SYNPR: variants seen among roughly 807,000 people sequenced by gnomAD.
SYNPR encodes synaptoporin.
SYNPR carries 23 observed loss-of-function variants against 32.9 expected under a neutral mutation model. The ratio of observed to expected loss-of-function variants is 0.70; its 90% confidence interval spans 0.50 to 0.99. The LOEUF is 0.99. Among genes scored for constraint, SYNPR ranks in the 50% least tolerant of loss-of-function variants. SYNPR has a pLI of 0.00. For synonymous variants in SYNPR, 146 were observed against 135.9 expected (o/e 1.07, Z -0.52); for missense variants, 318 against 349.3 (o/e 0.91, Z 0.71).
intron 3 of SYNPR, among the ~76,000 whole-genome samples, chr3:63,554,096 T>C (rs1702553865): frequency 6.6e-6 from 1 of 152,198 alleles, no homozygotes; most frequent in Admixed American, 6.5e-5. Flanking sequence ...TGCTTGTTGA[T>C]TTGTTTAAGT....
chr3:63,337,232 C>CAAAAAAAAAA, intron 2 of SYNPR, among the ~76,000 whole-genome samples: 1 of 55,460 alleles, frequency 1.8e-5, no homozygotes, highest in Non-Finnish European at 3.1e-5. Context: ...ACTCTGTCTC[C>CAAAAAAAAAA]AAAAAAAAAA....
rs1230707419 is a variant in SYNPR, at chr3:63,476,619, C to A, written c.85-4213C>A. ...ATGTGGCAAAAAAACATCATTCTTC[C>A]CCCAACCATAGAGCTAATTAGAATC... On this transcript the variant is annotated intron_variant, in intron 2 of 5. Transcript: ENST00000478300. 5.3e-5 allele frequency among the ~76,000 whole-genome samples: 8 copies of A among 152,088 alleles called. No homozygotes were observed. In the South Asian group the frequency reaches 1.7e-3, roughly 32 times the overall value.
intron 3 of SYNPR, among the ~76,000 whole-genome samples, chr3:63,534,553 A>G (rs146395712): frequency 4.0e-3 from 612 of 152,308 alleles, no homozygotes; most frequent in Middle Eastern, 0.01. Flanking sequence ...CTTTACCTAC[A>G]TTTCTCATTT....
chr3:63,537,656 A>G (rs917357164), intron 3 of SYNPR, among the ~76,000 whole-genome samples: 1 of 152,166 alleles, frequency 6.6e-6, no homozygotes, highest in Non-Finnish European at 1.5e-5. Context: ...CTTCTGGTGG[A>G]AAGATTCTAC....
At chr3:63,346,358 C>T (rs187187533) in intron 2 of SYNPR, among the ~76,000 whole-genome samples, 59 of 151,974 alleles carry the variant, frequency 3.9e-4, no homozygotes, top group Admixed American at 1.8e-3. Context: ...TTGAAGTATG[C>T]GCTGTTTTAC....
chr3:63,366,645 T>TC (rs2087732509), intron 2 of SYNPR, among the ~76,000 whole-genome samples: 1 of 152,200 alleles, frequency 6.6e-6, no homozygotes, highest in Non-Finnish European at 1.5e-5. Flanking sequence ...AGGAGATGGC[T>TC]ACACTTGTGA....
intron 4 of SYNPR, among the ~76,000 whole-genome samples, chr3:63,576,887 C>A (rs960373527): frequency 6.6e-6 from 1 of 151,986 alleles, no homozygotes; most frequent in Non-Finnish European, 1.5e-5. Context: ...TTGACCAGGA[C>A]AAAGGTGGAC....
At chr3:63,584,722 A>C (rs914155496) in intron 4 of SYNPR, among the ~76,000 whole-genome samples, 3 of 152,134 alleles carry the variant, frequency 2.0e-5, no homozygotes, top group African/African-American at 7.2e-5. Flanking sequence ...AGTTATTTTC[A>C]AGTTGAACTG....
chr3:63,507,877 T>C (rs1232431973), intron 3 of SYNPR, among the ~76,000 whole-genome samples: 1 of 150,518 alleles, frequency 6.6e-6, no homozygotes, highest in Non-Finnish European at 1.5e-5. Context: ...TATAGAAACA[T>C]AGTACAAGCC....
intron 2 of SYNPR, among the ~76,000 whole-genome samples, chr3:63,329,109 G>A (rs1171662955): frequency 1.3e-5 from 2 of 152,060 alleles, no homozygotes; most frequent in South Asian, 2.1e-4. Context: ...TTCTCTCCAC[G>A]TAAACAAATG....
At chr3:63,534,888 TA>T (rs972508642) in intron 3 of SYNPR, among the ~76,000 whole-genome samples, 14 of 152,076 alleles carry the variant, frequency 9.2e-5, no homozygotes, top group Non-Finnish European at 1.8e-4. Flanking sequence ...AGAAAATGAG[TA>T]ATCTATTCAT....
At chr3:63,261,884 G>T (rs2086441173) in intron 2 of SYNPR, among the ~76,000 whole-genome samples, 1 of 151,566 alleles carries the variant, frequency 6.6e-6, no homozygotes, top group African/African-American at 2.4e-5. Context: ...TCGTGGGGTG[G>T]GGGGAGAGTG....
chr3:63,206,920 A>G, the SYNPR span, among the ~76,000 whole-genome samples: 2 of 152,198 alleles, frequency 1.3e-5, no homozygotes, highest in African/African-American at 4.8e-5. Context: ...AGTTGTTGTT[A>G]TGGCTATTAT....
intron 4 of SYNPR, among the ~76,000 whole-genome samples, chr3:63,571,658 G>A (rs1310221717): frequency 1.3e-5 from 2 of 151,906 alleles, no homozygotes; most frequent in South Asian, 4.2e-4. Context: ...TCTACCACGT[G>A]GAATAAAAGA....
At chr3:63,404,478 T>G (rs2088333623) in intron 2 of SYNPR, among the ~76,000 whole-genome samples, 3 of 152,194 alleles carry the variant, frequency 2.0e-5, no homozygotes, top group Admixed American at 2.0e-4. Context: ...TTATCAATTA[T>G]CTTAAAGCTT....
At chr3:63,442,911 C>T (rs73110892) in intron 2 of SYNPR, among the ~76,000 whole-genome samples, 24,742 of 152,074 alleles carry the variant, frequency 0.16, 2,396 homozygotes, top group South Asian at 0.37. Flanking sequence ...CAAATCTATT[C>T]GTAAGATTTT....
At chr3:63,583,540 T>C (rs1387893763) in intron 4 of SYNPR, among the ~76,000 whole-genome samples, 1 of 152,124 alleles carries the variant, frequency 6.6e-6, no homozygotes, top group East Asian at 1.9e-4. Context: ...AATGAGTTAG[T>C]CCAGTAAGTT....
intron 2 of SYNPR, among the ~76,000 whole-genome samples, chr3:63,383,364 C>T (rs905571449): frequency 6.6e-6 from 1 of 152,126 alleles, no homozygotes; most frequent in Admixed American, 6.5e-5. Flanking sequence ...TTTATCTTTT[C>T]CATATTTATT....
At chr3:63,583,931 G>T (rs62250822) in intron 4 of SYNPR, among the ~76,000 whole-genome samples, 34,457 of 151,998 alleles carry the variant, frequency 0.23, 4,426 homozygotes, top group South Asian at 0.44. Flanking sequence ...AATTTTCCAT[G>T]ATCTAAGAAC....
Sources: gnomAD v4.1 joint callset for allele counts (sites outside exome capture counted in the v4.1 genomes callset) on GRCh38, gnomAD v4.1.1 for gene constraint, MANE v1.5 for transcripts, NCBI Gene and HGNC (gene_info 2026-07-23, HGNC 2026-07-21) for gene names.